Variants in DCTPP1 observed in about 807,000 individuals in gnomAD.
The protein encoded by DCTPP1 is dCTP pyrophosphatase 1.
DCTPP1 carries 8 observed loss-of-function variants against 8.8 expected under a neutral mutation model. The ratio of observed to expected loss-of-function variants is 0.91; its 90% CI spans 0.54 to 1.64. The LOEUF is 1.64. DCTPP1 is among the 40% of genes most tolerant of loss of function. DCTPP1 has a pLI of 0.00. For synonymous variants in DCTPP1, 85 were observed against 92.1 expected, an observed-to-expected ratio of 0.92 and a Z score of 0.44; for missense variants, 231 against 230.4, an observed-to-expected ratio of 1.00 and a Z score of -0.02.
At chr16:30,428,365 T>C (rs1160250486) in intron 2 of DCTPP1, among the ~76,000 whole-genome samples, 1 of 152,214 alleles carries the variant, frequency 6.6e-6, no homozygotes, top group Non-Finnish European at 1.5e-5. Context: ...CTCCCTGAAT[T>C]GAACTTGCCC....
chr16:30,426,365 T>C (rs540094951), intron 2 of DCTPP1, among the ~76,000 whole-genome samples: 23 of 150,506 alleles, frequency 1.5e-4, no homozygotes, highest in Non-Finnish European at 2.8e-4. Context: ...TTAGTAGAGA[T>C]GGGGTTTCAC....
At position 30,424,206 on chromosome 16, in the gene DCTPP1, T is replaced by C; in HGVS notation, c.*27A>G. 2 of 1,608,876 alleles carry C rather than the reference T, an allele frequency of 1.2e-6. No homozygotes were observed. Among genetic ancestry groups the C allele is most frequent in the South Asian group, 2.2e-5 (2 of 90,656 alleles). ...ACTCTCTGCTCTTCAGACACCACCC[T>C]GAGTTGCAAGTCCTGTGGCCATCTT... On this transcript the variant is annotated 3_prime_UTR_variant, in exon 3 of 3. Transcript: ENST00000319285.
At chr16:30,426,739 G>A (rs1044493879) in intron 2 of DCTPP1, among the ~76,000 whole-genome samples, 18 of 151,478 alleles carry the variant, frequency 1.2e-4, no homozygotes, top group Admixed American at 9.2e-4. Context: ...TTGCTCTGTC[G>A]CCCTGGCTGG....
At chr16:30,428,703 G>C (rs2050207699) in intron 2 of DCTPP1, among the ~76,000 whole-genome samples, 1 of 152,142 alleles carries the variant, frequency 6.6e-6, no homozygotes, top group Non-Finnish European at 1.5e-5. Flanking sequence ...GGAGGCGGAT[G>C]TTGCAGTGAG....
In DCTPP1 at chr16:30,429,994, GCA is replaced by G; in HGVS notation, c.-16_-15del. ...GGCCACAGACATGCCGCCCACCGCT[GCA>G]CCGCGACTTCACGGAAAACCCACGA... On this transcript the variant is annotated 5_prime_UTR_variant, in exon 1 of 3. Coordinates refer to ENST00000319285, the MANE Select transcript of DCTPP1 (RefSeq NM_024096.2). 6.7e-7 allele frequency: 1 copy of G among 1,491,756 alleles called. No individual in the cohort carries two copies. Among genetic ancestry groups the G allele is most frequent in the Non-Finnish European group, 8.9e-7 (1 of 1,120,630 alleles). 92.4% of individuals were successfully genotyped at this position (1,491,756 alleles called of 1,614,324 possible).
chr16:30,429,234 A>C, intron 1 of DCTPP1, 67 bp from the exon 2 acceptor site: 1 of 1,544,306 alleles, frequency 6.5e-7, no homozygotes, highest in South Asian at 1.1e-5. Context: ...GGCCAGAGGC[A>C]GCTACCCCCG....
In DCTPP1 at chr16:30,428,903, A is replaced by C. The variant is rs189783642; in HGVS notation, c.212+154T>G. The C allele has an allele frequency of 2.0e-4, 139 of 710,926 alleles. No individual in the cohort carries two copies. In the African/African-American group the frequency reaches 2.2e-3, roughly 11 times the overall value. The allele number at this position is 710,926 out of a possible 1,614,324, so 44.0% of individuals were successfully genotyped here. A position where few individuals can be genotyped will look rare whatever the true frequency, so the allele number is the denominator to read the frequency against. On this transcript the variant is annotated intron_variant, in intron 2 of 2. Transcript: ENST00000319285. ...AGGAGGCTGAGTGCCCCTAGAGGGC[A>C]GGGACCCGTGAGTCCTCTCTGCATC...
Position 30,429,930 on chromosome 16 carries a change from A to G in DCTPP1, c.51T>C (p.Thr17=). The G allele has an allele frequency of 3.1e-6, 5 of 1,593,538 alleles. No homozygotes were observed. The highest frequency in any genetic ancestry group is 4.3e-6 in the Non-Finnish European group (5 of 1,170,958). ...EIRGDTGGED[T]AAPGRFSFSP... The stretch of plus-strand genomic sequence containing the variant: ...TGAAGCTGAACCGGCCGGGAGCAGC[A>G]GTGTCCTCTCCCCCCGTGTCCCCAC... Residue 17 remains threonine, a synonymous_variant, in exon 1 of 3, where the codon ACT becomes ACC. Transcript: ENST00000319285.
At chr16:30,429,273 G>A (rs2050211360) in intron 1 of DCTPP1, 106 bp from the exon 2 acceptor site, 1 of 1,085,264 alleles carries the variant, frequency 9.2e-7, no homozygotes, top group South Asian at 1.5e-5. Context: ...GGGACCAGGA[G>A]ATTCTGCAAC....
intron 2 of DCTPP1, among the ~76,000 whole-genome samples, chr16:30,428,596 C>T (rs2050207074): frequency 6.6e-6 from 1 of 152,066 alleles, no homozygotes; most frequent in Admixed American, 6.6e-5. Context: ...ATGGTGAAAC[C>T]CCGTCTCCAC....
chr16:30,428,311 C>T (rs995417928), intron 2 of DCTPP1, among the ~76,000 whole-genome samples: 2 of 152,216 alleles, frequency 1.3e-5, no homozygotes, highest in African/African-American at 4.8e-5. Context: ...GATCCCAAAT[C>T]CCTGATTTTT....
At chr16:30,429,188 G>A (rs1205708321) in intron 1 of DCTPP1, 21 bp from the exon 2 acceptor site, 9 of 1,613,126 alleles carry the variant, frequency 5.6e-6, no homozygotes, top group African/African-American at 1.3e-5. Flanking sequence ...ACAAAGGAGT[G>A]TAAGTCCAAG....
chr16:30,428,068 C>G (rs1881246801), intron 2 of DCTPP1, among the ~76,000 whole-genome samples: 1 of 152,156 alleles, frequency 6.6e-6, no homozygotes, highest in South Asian at 2.1e-4. Flanking sequence ...CTCTGGTGTC[C>G]CCTGCCCCAT....
intron 2 of DCTPP1, among the ~76,000 whole-genome samples, chr16:30,427,100 C>G (rs1442731233): frequency 6.6e-6 from 1 of 151,486 alleles, no homozygotes; most frequent in Non-Finnish European, 1.5e-5. Context: ...AGCTCCGCCT[C>G]CTGGGTTCAC....
intron 2 of DCTPP1, among the ~76,000 whole-genome samples, chr16:30,428,226 C>T (rs2050204836): frequency 6.6e-6 from 1 of 152,222 alleles, no homozygotes; most frequent in African/African-American, 2.4e-5. Context: ...TCCTCCACAG[C>T]CCTATCACTC....
intron 1 of DCTPP1, 52 bp downstream of exon 1, chr16:30,429,828 C>A: frequency 6.5e-7 from 1 of 1,548,458 alleles, no homozygotes; most frequent in Non-Finnish European, 8.7e-7. Flanking sequence ...CTCCCCAAAA[C>A]GCGGGAGAAA....
intron 2 of DCTPP1, among the ~76,000 whole-genome samples, chr16:30,427,226 G>A (rs2050199701): frequency 6.7e-6 from 1 of 148,700 alleles, no homozygotes; most frequent in South Asian, 2.1e-4. Context: ...TAGCCAGGAT[G>A]GTCTTGATCT....
At chr16:30,428,702 T>G (rs2050207689) in intron 2 of DCTPP1, among the ~76,000 whole-genome samples, 1 of 152,008 alleles carries the variant, frequency 6.6e-6, no homozygotes, top group Non-Finnish European at 1.5e-5. Context: ...AGGAGGCGGA[T>G]GTTGCAGTGA....
chr16:30,429,953 C>A lies in DCTPP1; in HGVS notation c.28G>T (p.Gly10Trp). 6.3e-7 allele frequency: 1 copy of A among 1,581,908 alleles called. No homozygotes were observed. Among genetic ancestry groups the A allele is most frequent in the Non-Finnish European group, 8.6e-7 (1 of 1,165,496 alleles). ...GCAGTGTCCTCTCCCCCCGTGTCCC[C>A]ACGAATCTCCCCACCGGCCACAGAC... is the stretch of plus-strand genomic sequence containing the variant. Reference protein sequence around the residue: MSVAGGEIRGDTGGEDTAAP... With the variant: MSVAGGEIRWDTGGEDTAAP... The change falls in exon 1 of 3, where the codon GGG becomes TGG. Residue 10 changes from glycine (G) to tryptophan (W), a missense_variant. By Grantham distance (184) the Gly-to-Trp change is radical. Transcript: ENST00000319285.
Sources: allele counts gnomAD v4.1 joint callset (sites outside exome capture counted in the v4.1 genomes callset), GRCh38; gene constraint gnomAD v4.1.1; transcripts MANE v1.5; gene names NCBI Gene and HGNC (gene_info 2026-07-23, HGNC 2026-07-21).